The following KIFC3 variants were observed in gnomAD, a reference collection of about 807,000 sequenced individuals.
KIFC3 encodes the protein kinesin family member C3, also known as kinesin-like protein KIFC3.
KIFC3 carries 60 observed loss-of-function variants against 101.8 expected under a neutral mutation model. The observed-to-expected ratio is 0.59, with a 90% CI of 0.48 to 0.73. The LOEUF is 0.73. Ranked by LOEUF, KIFC3 falls within the 30% of genes least tolerant of loss-of-function variation. The pLI, the probability that KIFC3 is intolerant of heterozygous loss-of-function variation, is 0.00. For synonymous variants in KIFC3, 476 were observed against 482.7 expected, an observed-to-expected ratio of 0.99 and a Z score of 0.18; for missense variants, 966 against 1,137.1, an observed-to-expected ratio of 0.85 and a Z score of 2.16.
At chr16:57,854,225 A>C (rs1292395920) in intron 1 of KIFC3, among the ~76,000 whole-genome samples, 2 of 152,184 alleles carry the variant, frequency 1.3e-5, no homozygotes, top group Admixed American at 6.5e-5. Context: ...TACAGGTGTG[A>C]GCCACCATGC....
chr16:57,783,446 T>C (rs902659956), intron 3 of KIFC3, among the ~76,000 whole-genome samples: 5 of 150,632 alleles, frequency 3.3e-5, no homozygotes, highest in African/African-American at 1.2e-4. Flanking sequence ...ATGTGAATTA[T>C]ATCTCCACAA....
At chr16:57,785,642 C>T (rs2053242125) in intron 3 of KIFC3, 2 of 1,253,202 alleles carry the variant, frequency 1.6e-6, no homozygotes, top group African/African-American at 1.5e-5. Context: ...GCTCGAGCAC[C>T]TCCTGCTGCC....
At chr16:57,805,674 T>G (rs1220410747), upstream of KIFC3, among the ~76,000 whole-genome samples, 5 of 17,510 alleles carry the variant, frequency 2.9e-4, no homozygotes, top group Non-Finnish European at 1.1e-3. Context: ...GCCCATAGAC[T>G]TTTTTTTTTT....
chr16:57,764,448 C>T (rs1555600869), intron 11 of KIFC3: 2 of 567,106 alleles, frequency 3.5e-6, no homozygotes, highest in African/African-American at 1.9e-5. Context: ...CGCCCAAAGA[C>T]TGCAGGGAAG....
chr16:57,814,622 C>T (rs1199373891), intron 1 of KIFC3, among the ~76,000 whole-genome samples: 10 of 151,716 alleles, frequency 6.6e-5, no homozygotes, highest in Admixed American at 6.6e-5. Flanking sequence ...CCATCATTAT[C>T]ATTACTATCA....
At chr16:57,767,053 C>T in intron 9 of KIFC3, 68 bp from the exon 10 acceptor site, 1 of 1,295,658 alleles carries the variant, frequency 7.7e-7, no homozygotes, top group Non-Finnish European at 1.1e-6. Context: ...ACTGCCCACC[C>T]CTGAGGGGTG....
At chr16:57,837,369 G>C (rs2055706935) in intron 1 of KIFC3, among the ~76,000 whole-genome samples, 1 of 151,966 alleles carries the variant, frequency 6.6e-6, no homozygotes, top group Non-Finnish European at 1.5e-5. Flanking sequence ...TCAGGAGGCT[G>C]AGGCAGGAGA....
At position 57,775,410 on chromosome 16, in the gene KIFC3, C is replaced by T. The variant is rs1555611262; in HGVS notation, c.316-3122G>A. On this transcript the variant is annotated intron_variant, in intron 3 of 19. Coordinates refer to ENST00000445690, the MANE Select transcript of KIFC3 (RefSeq NM_001130100.2). ...GCCTGCTCCGTGGCAGGTGGTTGGC[C>T]AGCTCTACTGGGGGCTAGGTCTCGG... The T allele has an allele frequency of 1.2e-5, 13 of 1,043,818 alleles. No homozygotes were observed. The South Asian group carries it at 4.1e-4, about 33-fold the overall frequency. 64.7% of individuals were successfully genotyped at this position (1,043,818 alleles called of 1,614,324 possible).
chr16:57,763,718 G>A (rs1193144147), intron 12 of KIFC3, among the ~76,000 whole-genome samples: 3 of 152,192 alleles, frequency 2.0e-5, no homozygotes, highest in African/African-American at 7.2e-5. Context: ...TCATATGCCA[G>A]TCTTGCCCTG....
At position 57,798,154 on chromosome 16, in the gene KIFC3, C is replaced by T. The variant is rs782208738; in HGVS notation, c.90G>A (p.Pro30=). The T allele has an allele frequency of 1.3e-5, 20 of 1,545,968 alleles. No homozygotes were observed. Among genetic ancestry groups the T allele is most frequent in the African/African-American group, 1.2e-4 (9 of 72,904 alleles). ...GGGCTGGGGCGGGGCGAGCCATCCC[C>T]GGCTCGGGCTCCGGGGCCCGGCCCA... The part of the protein sequence containing the change: ...WRVGRAPEPE[P]GMARPAPAPA... The change falls in exon 2 of 20, where the codon CCG becomes CCA. Residue 30 remains proline, a synonymous_variant. Coordinates refer to ENST00000445690, the MANE Select transcript of KIFC3 (RefSeq NM_001130100.2).
At chr16:57,811,684 G>C (rs1555627820) in intron 1 of KIFC3, among the ~76,000 whole-genome samples, 1 of 152,174 alleles carries the variant, frequency 6.6e-6, no homozygotes, top group East Asian at 1.9e-4. Flanking sequence ...GGGAGGCTGA[G>C]GCAGGTGGAT....
At chr16:57,842,639 T>C (rs1193317833) in intron 1 of KIFC3, among the ~76,000 whole-genome samples, 2 of 152,210 alleles carry the variant, frequency 1.3e-5, no homozygotes, top group African/African-American at 4.8e-5. Context: ...TGTCGTTTGC[T>C]TTCTCTTTTC....
intron 3 of KIFC3, among the ~76,000 whole-genome samples, chr16:57,792,312 G>A (rs1432557226): frequency 2.6e-5 from 4 of 152,154 alleles, no homozygotes; most frequent in South Asian, 2.1e-4. Context: ...TCATCCCTTC[G>A]TGATTATTTG....
At chr16:57,844,992 T>G (rs753104665) in intron 1 of KIFC3, among the ~76,000 whole-genome samples, 3 of 152,186 alleles carry the variant, frequency 2.0e-5, no homozygotes, top group Non-Finnish European at 4.4e-5. Context: ...CCAGTGCGTC[T>G]CCTCTGCAGC....
chr16:57,763,332 C>A (rs895283611), intron 12 of KIFC3, among the ~76,000 whole-genome samples: 4 of 152,190 alleles, frequency 2.6e-5, no homozygotes, highest in Admixed American at 6.5e-5. Flanking sequence ...CACACATCCC[C>A]TTCCTCCTCC....
chr16:57,807,090 G>A (rs915806271), upstream of KIFC3, among the ~76,000 whole-genome samples: 2 of 152,086 alleles, frequency 1.3e-5, no homozygotes, highest in Non-Finnish European at 2.9e-5. Flanking sequence ...GCTGGTGGGC[G>A]CCTGTAATCC....
rs373586532 is a variant in KIFC3 at position 57,761,551 on chromosome 16, G to C, written c.1749-15C>G. 1 of 1,610,186 alleles carries C rather than the reference G, an allele frequency of 6.2e-7. No individual in the cohort carries two copies. Among genetic ancestry groups the C allele is most frequent in the African/African-American group, 1.3e-5 (1 of 74,878 alleles). On this transcript the variant is annotated splice_polypyrimidine_tract_variant and intron_variant, in intron 13 of 19. Transcript: ENST00000445690. The stretch of plus-strand genomic sequence containing the variant: ...CTAGCAGGTCCCTGGAGGGGCAGGT[G>C]AGACAGTCACCCCCTCCTCCCATTT...
At chr16:57,771,734 C>T (rs373380011) in intron 4 of KIFC3, 48 bp from the exon 5 acceptor site, 26 of 1,575,666 alleles carry the variant, frequency 1.7e-5, no homozygotes, top group Non-Finnish European at 2.0e-5. Flanking sequence ...GGGCAGATGA[C>T]GGGGGAAAGA....
At chr16:57,815,482 C>T in intron 1 of KIFC3, 1 of 1,242,328 alleles carries the variant, frequency 8.0e-7, no homozygotes, top group Non-Finnish European at 1.0e-6. Context: ...CTGCCCATCA[C>T]CCCCAACCTG....
Sources: gnomAD v4.1 joint callset for allele counts (sites outside exome capture counted in the v4.1 genomes callset) on GRCh38, gnomAD v4.1.1 for gene constraint, MANE v1.5 for transcripts, NCBI Gene and HGNC (gene_info 2026-07-23, HGNC 2026-07-21) for gene names.